Variants in ARPP21 observed in about 807,000 individuals in gnomAD.
ARPP21 encodes the protein cAMP-regulated phosphoprotein 21.
Under a neutral mutation model 113.2 loss-of-function variants are expected in ARPP21, and 69 were observed. The ratio of observed to expected loss-of-function variants is 0.61; its 90% CI spans 0.50 to 0.74. The LOEUF is 0.74. Among genes scored for constraint, ARPP21 ranks in the 30% least tolerant of loss-of-function variants. The pLI is 0.00. For synonymous variants in ARPP21, 368 were observed against 375.5 expected (o/e 0.98, Z 0.23); for missense variants, 1,070 against 1,037.4 (o/e 1.03, Z -0.43).
At chr3:35,748,439 GAAAGAAAGA>G (rs1213002632) in intron 19 of ARPP21, among the ~76,000 whole-genome samples, 26 of 132,108 alleles carry the variant, frequency 2.0e-4, no homozygotes, top group African/African-American at 6.5e-4. Context: ...GAAAGAGAAA[GAAAGAAAGA>G]AAAGAAAGAA....
intron 1 of ARPP21, among the ~76,000 whole-genome samples, chr3:35,643,067 A>G (rs1244423265): frequency 6.6e-6 from 1 of 152,156 alleles, no homozygotes; most frequent in Non-Finnish European, 1.5e-5. Flanking sequence ...ATTTGTATAT[A>G]TGCAGAACAC....
At chr3:35,666,908 T>C (rs1444615734) in intron 1 of ARPP21, among the ~76,000 whole-genome samples, 1 of 152,228 alleles carries the variant, frequency 6.6e-6, no homozygotes, top group Non-Finnish European at 1.5e-5. Context: ...CCTGTGGTTC[T>C]ACCCACCTGA....
intron 19 of ARPP21, among the ~76,000 whole-genome samples, chr3:35,763,968 C>T (rs373719572): frequency 3.9e-4 from 59 of 151,952 alleles, no homozygotes; most frequent in East Asian, 1.6e-3. Context: ...GTTTGAGACC[C>T]GCCTGGGCAA....
In ARPP21 at chr3:35,689,513, T is replaced by A. The variant is rs1202421816; in HGVS notation, c.485+128T>A. 18 of 593,120 alleles carry A rather than the reference T, an allele frequency of 3.0e-5. No homozygotes were observed. In the South Asian group the frequency reaches 3.9e-4, roughly 13 times the overall value. 36.7% of individuals were successfully genotyped at this position (593,120 alleles called of 1,614,324 possible). A position where few individuals can be genotyped will look rare whatever the true frequency, so the allele number is the denominator to read the frequency against. On this transcript the variant is annotated intron_variant, in intron 7 of 20. Transcript: ENST00000684406. ...ATACCTTCCCTGACGTCTTAAACTG[T>A]CTCCTGTATTTTTTTTCTACTAATC...
chr3:35,793,584 TTGA>T, intron 20 of ARPP21, 114 bp from the exon 21 acceptor site: 2 of 702,870 alleles, frequency 2.8e-6, no homozygotes, highest in Non-Finnish European at 5.1e-6. Context: ...AGAGCTGGAA[TTGA>T]TGACCTGTTA....
intron 19 of ARPP21, among the ~76,000 whole-genome samples, chr3:35,751,753 CAG>C (rs2095411933): frequency 6.6e-6 from 1 of 152,012 alleles, no homozygotes; most frequent in Admixed American, 6.6e-5. Flanking sequence ...TTGTCAGAGC[CAG>C]AGAGGGTCTT....
rs906197830 is a variant in ARPP21 at position 35,667,858 on chromosome 3, A to T, written c.-212-11929A>T. ...TTATTCTCAAAGAAGAAGAAGAAGA[A>T]GAAGAAGAAGAAGAAGAAGAAGAAG... On this transcript the variant is annotated intron_variant, in intron 1 of 20. Transcript: ENST00000684406. Among the ~76,000 whole-genome samples, 504 of 123,610 alleles carry T rather than the reference A, an allele frequency of 4.1e-3. 27 individuals are homozygous for T. The highest frequency in any genetic ancestry group is 0.019 in the African/African-American group (472 of 25,476). The allele number at this position is 123,610 out of a possible 152,430, so 81.1% of individuals were successfully genotyped here.
At chr3:35,741,165 GA>G (rs1236682639) in intron 18 of ARPP21, among the ~76,000 whole-genome samples, 2 of 152,180 alleles carry the variant, frequency 1.3e-5, no homozygotes, top group African/African-American at 4.8e-5. Flanking sequence ...TTTCTTCACT[GA>G]AGGAATTTCA....
intron 19 of ARPP21, among the ~76,000 whole-genome samples, chr3:35,768,344 C>T (rs930216904): frequency 2.6e-5 from 4 of 151,926 alleles, no homozygotes; most frequent in African/African-American, 9.7e-5. Flanking sequence ...AATTCTACTC[C>T]AAACAGTAAG....
At chr3:35,662,511 G>A (rs1370738723) in intron 1 of ARPP21, among the ~76,000 whole-genome samples, 1 of 152,270 alleles carries the variant, frequency 6.6e-6, no homozygotes, top group Non-Finnish European at 1.5e-5. Flanking sequence ...GACAGGGAGG[G>A]GAGCAGGACT....
chr3:35,748,916 T>C (rs988151451), intron 19 of ARPP21, among the ~76,000 whole-genome samples: 5 of 152,208 alleles, frequency 3.3e-5, no homozygotes, highest in Admixed American at 3.3e-4. Context: ...AAACTATTGC[T>C]CAGGGAGGTG....
chr3:35,783,175 A>G (rs559966686), intron 19 of ARPP21, among the ~76,000 whole-genome samples: 1 of 152,202 alleles, frequency 6.6e-6, no homozygotes, highest in East Asian at 1.9e-4. Flanking sequence ...TGTGCCTTAC[A>G]ACTCCATTTT....
chr3:35,759,756 A>G (rs2095699968), intron 19 of ARPP21, among the ~76,000 whole-genome samples: 1 of 151,564 alleles, frequency 6.6e-6, no homozygotes, highest in African/African-American at 2.4e-5. Flanking sequence ...GGAGGCTAAA[A>G]GATCATAATT....
At chr3:35,752,124 C>T (rs2095424741) in intron 19 of ARPP21, among the ~76,000 whole-genome samples, 1 of 151,908 alleles carries the variant, frequency 6.6e-6, no homozygotes, top group Non-Finnish European at 1.5e-5. Context: ...AATCAGGTTG[C>T]AATGAACTAA....
chr3:35,738,189 C>T lies in ARPP21; in HGVS notation c.1645-25C>T, dbSNP rs1189971422. On this transcript the variant is annotated intron_variant, in intron 16 of 20. Transcript: ENST00000684406. The stretch of plus-strand genomic sequence containing the variant: ...TTCAACCCCAGTGCTTTTCTGTCAG[C>T]TGATCAATTTTTTCTTTCCTCCAGT... The T allele has an allele frequency of 4.2e-6, 6 of 1,440,268 alleles. No homozygotes were observed. The African/African-American group carries it at 7.0e-5, about 17-fold the overall frequency. The allele number at this position is 1,440,268 out of a possible 1,614,324, so 89.2% of individuals were successfully genotyped here.
Position 35,706,991 on chromosome 3 carries a change from G to A in ARPP21, c.704G>A (p.Cys235Tyr). ...GCTGGCAGACCAGAGCAAAGGTTTT[G>A]TGAACATTTAAAAGATGAAAAAGGT... ...SSTRIPEQRF[C>Y]EHLKDEKGEE... The change falls in exon 10 of 21, where the codon TGT (cysteine) becomes TAT (tyrosine). Residue 235 changes from cysteine (C) to tyrosine (Y), a missense_variant. Cys to Tyr is a radical substitution (Grantham distance 194). Coordinates refer to ENST00000684406, the MANE Select transcript of ARPP21 (RefSeq NM_001385562.1). 6.2e-7 allele frequency: 1 copy of A among 1,613,890 alleles called. No individual in the cohort carries two copies. Among genetic ancestry groups the A allele is most frequent in the East Asian group, 2.2e-5 (1 of 44,854 alleles).
chr3:35,756,443 T>A (rs2095572913), intron 19 of ARPP21, among the ~76,000 whole-genome samples: 1 of 152,044 alleles, frequency 6.6e-6, no homozygotes, highest in Non-Finnish European at 1.5e-5. Flanking sequence ...AGCCTTCACA[T>A]TTATGCTCCT....
intron 2 of ARPP21, chr3:35,681,398 TG>T (rs1175794482): frequency 1.7e-5 from 3 of 173,732 alleles, no homozygotes; most frequent in Middle Eastern, 2.5e-3. Flanking sequence ...TATCCTCTTT[TG>T]TTGCTTCTTC....
intron 15 of ARPP21, 41 bp downstream of exon 15, chr3:35,729,577 G>A: frequency 2.0e-6 from 3 of 1,517,318 alleles, no homozygotes; most frequent in Non-Finnish European, 2.7e-6. Context: ...AAGGCTTTCA[G>A]ATGTTTGTTC....
Sources: allele counts gnomAD v4.1 joint callset (sites outside exome capture counted in the v4.1 genomes callset), GRCh38; gene constraint gnomAD v4.1.1; transcripts MANE v1.5; gene names NCBI Gene and HGNC (gene_info 2026-07-23, HGNC 2026-07-21).